CHD6: variants seen among roughly 807,000 people sequenced by gnomAD.
CHD6 encodes ATP-dependent chromatin remodeler CHD6.
A neutral mutation model predicts 276.9 loss-of-function variants in CHD6; 50 were observed. The observed-to-expected ratio is 0.18, with a 90% CI of 0.14 to 0.23. The LOEUF (loss-of-function observed/expected upper bound fraction) is 0.23. Ranked by LOEUF, CHD6 falls within the 10% of genes least tolerant of loss-of-function variation. The pLI is 1.00. For synonymous variants in CHD6, 1,173 were observed against 1,229.3 expected (o/e 0.95, Z 0.96); for missense variants, 2,564 against 3,365.8 (o/e 0.76, Z 5.89).
At position 41,473,032 on chromosome 20, in the gene CHD6, G is replaced by A. The variant is rs978058550; in HGVS notation, c.2664+290C>T. The A allele has an allele frequency of 4.0e-5, 12 of 301,106 alleles. No homozygotes were observed. Among genetic ancestry groups the A allele is most frequent in the African/African-American group, 2.3e-4 (11 of 47,062 alleles). 18.7% of individuals were successfully genotyped at this position (301,106 alleles called of 1,614,324 possible). On this transcript the variant is annotated intron_variant, in intron 17 of 36. Coordinates refer to ENST00000373233, the MANE Select transcript of CHD6 (RefSeq NM_032221.5). This position sits in a 1 kb window ranked among gnomAD's most constrained non-coding sequence, Gnocchi z 4.1. ...AGAATTAGAGCATTAGTCAAGATTA[G>A]TATCTTTATTTCTGATAATAATAAT...
Position 41,415,496 on chromosome 20 carries a change from C to A in CHD6, c.6629G>T (p.Gly2210Val). 1.2e-6 allele frequency: 2 copies of A among 1,613,952 alleles called. No homozygotes were observed. Among genetic ancestry groups the A allele is most frequent in the Non-Finnish European group, 1.7e-6 (2 of 1,179,944 alleles). Residue 2210 changes from glycine to valine, a missense_variant, in exon 34 of 37, where the codon GGC becomes GTC. Physicochemically the swap from Gly to Val is moderately radical, Grantham distance 109 (BLOSUM62 -3). This residue lies in a region of CHD6 where 1,024 missense variants were observed against 1,047.9 expected (regional missense o/e 0.98). Coordinates refer to ENST00000373233, the MANE Select transcript of CHD6 (RefSeq NM_032221.5). ...THGHTPIILN[G>V]WHGESAMDLS... ...GTCCATAGCTGACTCCCCATGCCAG[C>A]CATTGAGGATGATAGGGGTGTGCCC...
chr20:41,489,177 T>G (rs1371263814), intron 12 of CHD6, among the ~76,000 whole-genome samples: 1 of 152,220 alleles, frequency 6.6e-6, no homozygotes, highest in Non-Finnish European at 1.5e-5. Flanking sequence ...GTCTTCCAAG[T>G]GTCTCTGCTG....
intron 3 of CHD6, among the ~76,000 whole-genome samples, chr20:41,515,943 G>C (rs2145978977): frequency 6.6e-6 from 1 of 152,296 alleles, no homozygotes; most frequent in South Asian, 2.1e-4. Flanking sequence ...ATGCATTAAT[G>C]AATGGCTATG....
At chr20:41,469,497 C>G (rs1377363836) in intron 17 of CHD6, among the ~76,000 whole-genome samples, 1 of 152,222 alleles carries the variant, frequency 6.6e-6, no homozygotes, top group Non-Finnish European at 1.5e-5. Context: ...CAGTGGCCTA[C>G]TCCTAAGAAG....
chr20:41,606,463 G>A (rs941473359), intron 1 of CHD6, among the ~76,000 whole-genome samples: 26 of 152,240 alleles, frequency 1.7e-4, no homozygotes, highest in African/African-American at 5.1e-4. Context: ...GCAGTGAGCC[G>A]AGATCGTGCC....
At chr20:41,494,043 TCAA>T (rs919882991) in intron 8 of CHD6, 99 bp from the exon 9 acceptor site, 9 of 752,148 alleles carry the variant, frequency 1.2e-5, no homozygotes, top group Non-Finnish European at 1.8e-5. Context: ...CTAGGCCCTA[TCAA>T]CAAACACAAA....
rs1196929002 is a variant in CHD6, at chr20:41,405,309, G to A, written c.7432C>T (p.Leu2478=). Residue 2478 remains leucine, a synonymous_variant, in exon 37 of 37, where the codon CTG becomes TTG. Coordinates refer to ENST00000373233, the MANE Select transcript of CHD6 (RefSeq NM_032221.5). ...TTTCTCATGTTCTGAAGTCCTACCA[G>A]GTCCATCCCAGCAATCAGTCCATTC... is the stretch of plus-strand genomic sequence containing the variant. ...FMNGLIAGMD[L]VGLQNMRNMP... 2.5e-6 allele frequency: 4 copies of A among 1,614,172 alleles called. No homozygotes were observed. The South Asian group carries it at 4.4e-5, about 18-fold the overall frequency.
intron 1 of CHD6, among the ~76,000 whole-genome samples, chr20:41,613,486 A>C (rs1408393948): frequency 6.6e-6 from 1 of 152,226 alleles, no homozygotes; most frequent in Non-Finnish European, 1.5e-5. Context: ...GGCAAGGGCA[A>C]CGAATGGCTT....
Position 41,413,443 on chromosome 20 carries a change from C to T in CHD6, c.7012G>A (p.Ala2338Thr), listed in dbSNP as rs1042660725. 3.1e-6 allele frequency: 5 copies of T among 1,611,372 alleles called. No homozygotes were observed. In the African/African-American group the frequency reaches 6.7e-5, roughly 22 times the overall value. ...HPEGPGPATS[A>T]PEPATAASSQ... is the part of the protein sequence containing the mutation. ...CTGGCTGCCGTAGCTGGCTCAGGAG[C>T]CGAGGTGGCAGGCCCTGGCCCCTCA... Residue 2338 changes from alanine to threonine, a missense_variant, in exon 35 of 37, where the codon GCT becomes ACT. Coordinates refer to ENST00000373233, the MANE Select transcript of CHD6 (RefSeq NM_032221.5).
At position 41,415,384 on chromosome 20, in the gene CHD6, T is replaced by A; in HGVS notation, c.6741A>T (p.Ser2247=). 2 of 1,613,808 alleles carry A rather than the reference T, an allele frequency of 1.2e-6. No individual in the cohort carries two copies. Among genetic ancestry groups the A allele is most frequent in the Non-Finnish European group, 1.7e-6 (2 of 1,179,868 alleles). ...AGTCCATGCCAAGGGCTCCCTGAAG[T>A]GAACTGATAGCCCCAATCTTAGGGG... ...ASTPKIGAIS[S]LQGALGMDLS... The change falls in exon 34 of 37, where the codon TCA becomes TCT. Residue 2247 remains serine (S), a synonymous_variant. Transcript: ENST00000373233.
intron 33 of CHD6, among the ~76,000 whole-genome samples, chr20:41,416,039 C>T (rs2046984858): frequency 6.6e-6 from 1 of 152,140 alleles, no homozygotes; most frequent in African/African-American, 2.4e-5. Flanking sequence ...TGTCACGGTC[C>T]CCAGCTGATT....
In CHD6 at chr20:41,473,269, A is replaced by C; in HGVS notation, c.2664+53T>G. The C allele has an allele frequency of 1.3e-6, 2 of 1,550,380 alleles. No individual in the cohort carries two copies. The highest frequency in any genetic ancestry group is 1.8e-6 in the Non-Finnish European group (2 of 1,130,876). On this transcript the variant is annotated intron_variant, in intron 17 of 36. Coordinates refer to ENST00000373233, the MANE Select transcript of CHD6 (RefSeq NM_032221.5). The surrounding 1 kb of genome is among the most constrained non-coding windows in gnomAD (Gnocchi z 4.1). ...TGTAGCCAAGCCAGGCCCTATCATG[A>C]TGTTCTGGGATCCAGGGCAGCTAAG...
In CHD6 at chr20:41,473,278, G is replaced by C. The variant is rs1411727049; in HGVS notation, c.2664+44C>G. ...GCCAGGCCCTATCATGATGTTCTGG[G>C]ATCCAGGGCAGCTAAGGTAAACAGC... On this transcript the variant is annotated intron_variant, in intron 17 of 36. Coordinates refer to ENST00000373233, the MANE Select transcript of CHD6 (RefSeq NM_032221.5). The surrounding 1 kb of genome is among the most constrained non-coding windows in gnomAD (Gnocchi z 4.1). The C allele has an allele frequency of 6.3e-7, 1 of 1,578,440 alleles. No individual in the cohort carries two copies. Among genetic ancestry groups the C allele is most frequent in the Non-Finnish European group, 8.7e-7 (1 of 1,153,318 alleles).
intron 1 of CHD6, among the ~76,000 whole-genome samples, chr20:41,565,594 T>G (rs1044412846): frequency 2.0e-5 from 3 of 152,186 alleles, no homozygotes; most frequent in African/African-American, 7.2e-5. Flanking sequence ...CTTAAGATAA[T>G]GAAACTTAGG....
chr20:41,528,066 T>C (rs2044588142), intron 3 of CHD6, among the ~76,000 whole-genome samples: 2 of 152,242 alleles, frequency 1.3e-5, no homozygotes, highest in Non-Finnish European at 2.9e-5. Context: ...TTATCCAGTC[T>C]GTGTATTCTG....
At chr20:41,601,882 T>C (rs2045776881) in intron 1 of CHD6, among the ~76,000 whole-genome samples, 1 of 152,230 alleles carries the variant, frequency 6.6e-6, no homozygotes, top group Non-Finnish European at 1.5e-5. Flanking sequence ...CAGTTTTATT[T>C]GGTCCTGTCA....
chr20:41,432,190 G>A (rs2047566945), intron 27 of CHD6, among the ~76,000 whole-genome samples: 1 of 142,494 alleles, frequency 7.0e-6, no homozygotes, highest in African/African-American at 2.7e-5. Context: ...GAAGCGAGGT[G>A]GCTTCCTGCT....
At chr20:41,469,696 A>C (rs2043009725) in intron 17 of CHD6, among the ~76,000 whole-genome samples, 1 of 152,180 alleles carries the variant, frequency 6.6e-6, no homozygotes, top group African/African-American at 2.4e-5. Flanking sequence ...ATAACCTTCA[A>C]TTTTGTACAC....
At chr20:41,497,786 T>C in intron 7 of CHD6, 1 of 468,636 alleles carries the variant, frequency 2.1e-6, no homozygotes, top group Non-Finnish European at 3.9e-6. Context: ...CACACATTAG[T>C]GAAAGTGGGT....
Sources: allele counts gnomAD v4.1 joint callset (sites outside exome capture counted in the v4.1 genomes callset), GRCh38; gene constraint gnomAD v4.1.1; regional missense constraint gnomAD v4.1.1; non-coding constraint Gnocchi (gnomAD v3.1); transcripts MANE v1.5; gene names NCBI Gene and HGNC (gene_info 2026-07-23, HGNC 2026-07-21).